Variants in MEGF8 observed in about 807,000 individuals in gnomAD.
MEGF8 encodes the protein multiple EGF like domains 8.
A neutral mutation model predicts 302.9 loss-of-function variants in MEGF8; 156 were observed. That is an observed-to-expected ratio of 0.52 (90% CI 0.45 to 0.59). The LOEUF (loss-of-function observed/expected upper bound fraction) is 0.59, where lower values mean the gene tolerates loss of function less well. Ranked by LOEUF, MEGF8 falls within the 20% of genes least tolerant of loss-of-function variation. MEGF8 has a pLI of 0.00. For missense variants in MEGF8, 3,345 were observed against 3,964.5 expected, an observed-to-expected ratio of 0.84 and a Z score of 4.20; for synonymous variants, 1,621 against 1,660.5, an observed-to-expected ratio of 0.98 and a Z score of 0.58.
At position 42,356,131 on chromosome 19, in the gene MEGF8, G is replaced by A. The variant is rs781123189; in HGVS notation, c.4441G>A (p.Ala1481Thr). 1.8e-5 allele frequency: 29 copies of A among 1,580,714 alleles called. No individual in the cohort carries two copies. Among genetic ancestry groups the A allele is most frequent in the Non-Finnish European group, 2.3e-5 (27 of 1,162,226 alleles). Residue 1481 changes from alanine to threonine, a missense_variant, in exon 25 of 42, where the codon GCC (alanine) becomes ACC (threonine). Coordinates refer to ENST00000251268, the MANE Select transcript of MEGF8 (RefSeq NM_001271938.2). This position sits in a 1 kb window ranked among gnomAD's most constrained non-coding sequence, Gnocchi z 5.2. The part of the protein sequence containing the change: ...CAEGFGGPDC[A>T]TKLDGGQLVW... ...CGAGGGCTTCGGGGGCCCCGACTGC[G>A]CCACCAAGCTGGATGGCGGGCAGCT...
intron 8 of MEGF8, among the ~76,000 whole-genome samples, chr19:42,342,562 G>A (rs756842428): frequency 2.6e-5 from 4 of 152,020 alleles, no homozygotes; most frequent in Non-Finnish European, 4.4e-5. Flanking sequence ...GTGTGAACCC[G>A]GGAGACAGAG....
chr19:42,374,470 C>CAAA (rs58700897), intron 41 of MEGF8, among the ~76,000 whole-genome samples: 3 of 56,240 alleles, frequency 5.3e-5, no homozygotes, highest in African/African-American at 5.6e-5. Flanking sequence ...GACTCTGTCT[C>CAAA]AAAAAAAAAA....
chr19:42,347,235 T>C (rs1045076150), intron 12 of MEGF8, among the ~76,000 whole-genome samples: 1 of 151,806 alleles, frequency 6.6e-6, no homozygotes, highest in African/African-American at 2.4e-5. Context: ...TAAACTAATA[T>C]ACTATGAACA....
rs1194814670 is a variant in MEGF8, at chr19:42,335,162, T to C, written c.686T>C (p.Ile229Thr). The C allele has an allele frequency of 1.9e-6, 3 of 1,613,822 alleles. No individual in the cohort carries two copies. The highest frequency in any genetic ancestry group is 1.7e-5 in the Admixed American group (1 of 59,990). The change falls in exon 4 of 42, where the codon ATT becomes ACT. Residue 229 changes from isoleucine (I) to threonine (T), a missense_variant. Physicochemically the swap from Ile to Thr is moderately conservative, Grantham distance 89. Coordinates refer to ENST00000251268, the MANE Select transcript of MEGF8 (RefSeq NM_001271938.2). ...AGGGACCCTGCCTTCTCTGCCCGTA[T>C]TGGGGCAGCTGGCGCCTTCCTGTCC... is the stretch of plus-strand genomic sequence containing the variant. The part of the protein sequence containing the change: ...SARDPAFSAR[I>T]GAAGAFLSPP...
chr19:42,326,658 T>C (rs1308988130), intron 1 of MEGF8, among the ~76,000 whole-genome samples: 1 of 151,896 alleles, frequency 6.6e-6, no homozygotes, highest in Non-Finnish European at 1.5e-5. Context: ...GGAGCATCAG[T>C]GCCGGGCCTT....
chr19:42,363,404 T>G, intron 35 of MEGF8, 142 bp downstream of exon 35: 1 of 735,594 alleles, frequency 1.4e-6, no homozygotes, highest in Non-Finnish European at 2.2e-6. Flanking sequence ...CGTGCTTCCT[T>G]CTCGTGCCAC....
chr19:42,363,108 C>G lies in MEGF8; in HGVS notation c.6119C>G (p.Ser2040Cys), dbSNP rs1263198399. The G allele has an allele frequency of 3.7e-6, 6 of 1,613,386 alleles. No individual in the cohort carries two copies. The highest frequency in any genetic ancestry group is 5.1e-6 in the Non-Finnish European group (6 of 1,179,644). Residue 2040 changes from serine to cysteine, a missense_variant, in exon 35 of 42, where the codon TCT becomes TGT. Ser to Cys is a moderately radical substitution (Grantham distance 112, BLOSUM62 -1). Coordinates refer to ENST00000251268, the MANE Select transcript of MEGF8 (RefSeq NM_001271938.2). ...PTYDWTCFSH[S>C]LLNVSPMPVE... ...TATGACTGGACGTGCTTCAGCCACT[C>G]TCTGCTGAATGTGTCCCCCATGCCG... is the stretch of plus-strand genomic sequence containing the variant.
chr19:42,336,805 A>G lies in MEGF8; in HGVS notation c.1245-2A>G, dbSNP rs916449892. 1 of 1,580,550 alleles carries G rather than the reference A, an allele frequency of 6.3e-7. No homozygotes were observed. ...GCCCCTGCCCTGCTTCTCCTTCGGT[A>G]GGTTCTCTGTGCGAGTGAACTCCAC... On this transcript the variant is annotated splice_acceptor_variant, in intron 6 of 41. Transcript: ENST00000251268. LOFTEE classifies it high-confidence loss of function. The surrounding 1 kb of genome is among the most constrained non-coding windows in gnomAD (Gnocchi z 4.8).
In MEGF8 at chr19:42,369,511, C is replaced by T. The variant is rs1355554285; in HGVS notation, c.6642-20C>T. 1.9e-6 allele frequency: 3 copies of T among 1,596,280 alleles called. No homozygotes were observed. Among genetic ancestry groups the T allele is most frequent in the African/African-American group, 2.7e-5 (2 of 74,736 alleles). ...CGAGGAGGGTGGCCACCTGCCCTGA[C>T]CCCCACTTTGCCCCTGCAGCATGAC... On this transcript the variant is annotated intron_variant, in intron 37 of 41. Coordinates refer to ENST00000251268, the MANE Select transcript of MEGF8 (RefSeq NM_001271938.2). This position sits in a 1 kb window ranked among gnomAD's most constrained non-coding sequence, Gnocchi z 5.7.
chr19:42,351,174 G>T lies in MEGF8; in HGVS notation c.2737-42G>T. ...TGGGCACTGGGAGTCCAAAGGAAAGGGCTGAGTGGGGTTCTGACTCCTCTG... is the reference window on the plus strand; with the variant it reads ...TGGGCACTGGGAGTCCAAAGGAAAGTGCTGAGTGGGGTTCTGACTCCTCTG... On this transcript the variant is annotated intron_variant, in intron 15 of 41. Transcript: ENST00000251268. The surrounding 1 kb of genome is among the most constrained non-coding windows in gnomAD (Gnocchi z 5.6). 6.6e-7 allele frequency: 1 copy of T among 1,522,116 alleles called. No individual in the cohort carries two copies. The highest frequency in any genetic ancestry group is 8.9e-7 in the Non-Finnish European group (1 of 1,123,382). The allele number at this position is 1,522,116 out of a possible 1,614,324, so 94.3% of individuals were successfully genotyped here.
At position 42,355,855 on chromosome 19, in the gene MEGF8, C is replaced by T. The variant is rs2039443862; in HGVS notation, c.4242C>T (p.Ser1414=). ...SARCGSGGPG[S]CPVPQECVPQ... ...GCTGTGGGTCAGGGGGCCCCGGGAG[C>T]TGTCCCGTCCCCCAGGAATGCGTGC... is the stretch of plus-strand genomic sequence containing the variant. The change falls in exon 24 of 42, where the codon AGC becomes AGT. Residue 1414 remains serine, a synonymous_variant. Transcript: ENST00000251268. 6.4e-7 allele frequency: 1 copy of T among 1,567,984 alleles called. No individual in the cohort carries two copies.
Position 42,369,045 on chromosome 19 carries a change from G to A in MEGF8, c.6641+43G>A. On this transcript the variant is annotated intron_variant, in intron 37 of 41. Transcript: ENST00000251268. The surrounding 1 kb of genome is among the most constrained non-coding windows in gnomAD (Gnocchi z 5.7). ...GCTGGGGCCAGGCAGGCTAGGGTGGGAGAGTCTGTGGGGAGCAGTAATGGA... is the reference window on the plus strand; with the variant it reads ...GCTGGGGCCAGGCAGGCTAGGGTGGAAGAGTCTGTGGGGAGCAGTAATGGA... 6.2e-7 allele frequency: 1 copy of A among 1,603,294 alleles called. No individual in the cohort carries two copies. The highest frequency in any genetic ancestry group is 8.5e-7 in the Non-Finnish European group (1 of 1,177,080).
In MEGF8 at chr19:42,358,927, G is replaced by A. The variant is rs112433681; in HGVS notation, c.5316G>A (p.Leu1772=). Residue 1772 remains leucine (L), a synonymous_variant, in exon 30 of 42, where the codon CTG becomes CTA. Coordinates refer to ENST00000251268, the MANE Select transcript of MEGF8 (RefSeq NM_001271938.2). The surrounding 1 kb of genome is among the most constrained non-coding windows in gnomAD (Gnocchi z 4.4). ...CTCTTGCTGGTACAGGAGGTTTCCTGGAGGAAATCTCACCTCACCTGAAGG... is the reference window on the plus strand; with the variant it reads ...CTCTTGCTGGTACAGGAGGTTTCCTAGAGGAAATCTCACCTCACCTGAAGG... The part of the protein sequence containing the change: ...WAALAGTGGF[L]EEISPHLKEP... The A allele has an allele frequency of 8.2e-4, 1,319 of 1,611,546 alleles. 11 individuals carry two copies. The African/African-American group carries it at 0.015, about 19-fold the overall frequency.
At chr19:42,349,760 C>T (rs2039342235) in intron 14 of MEGF8, 61 bp downstream of exon 14, 1 of 1,526,716 alleles carries the variant, frequency 6.6e-7, no homozygotes, top group Non-Finnish European at 9.0e-7. Flanking sequence ...ATCACCTGGG[C>T]TTTCTGAACC....
In MEGF8 at chr19:42,353,448, T is replaced by C; in HGVS notation, c.3551-17T>C. 2.5e-6 allele frequency: 4 copies of C among 1,608,144 alleles called. No individual in the cohort carries two copies. The highest frequency in any genetic ancestry group is 2.2e-5 in the South Asian group (2 of 90,272). Reference sequence around the variant, plus strand: ...ACCCTTGACTTGACTCTGTCCCACCTGCTGGGGCCTCCACAGACTGGACAT... The same window carrying C: ...ACCCTTGACTTGACTCTGTCCCACCCGCTGGGGCCTCCACAGACTGGACAT... On this transcript the variant is annotated splice_polypyrimidine_tract_variant and intron_variant, in intron 20 of 41. Transcript: ENST00000251268. The surrounding 1 kb of genome is among the most constrained non-coding windows in gnomAD (Gnocchi z 6.1).
At chr19:42,367,540 G>A (rs10425320) in intron 35 of MEGF8, among the ~76,000 whole-genome samples, 3,388 of 152,126 alleles carry the variant, frequency 0.022, 135 homozygotes, top group African/African-American at 0.076. Context: ...CGCCCGCCTC[G>A]GCCTCCCAAA....
chr19:42,330,625 C>T (rs1166104386), intron 1 of MEGF8, among the ~76,000 whole-genome samples: 5 of 152,192 alleles, frequency 3.3e-5, no homozygotes, highest in Non-Finnish European at 7.3e-5. Context: ...CATCATCCAG[C>T]ATTTCCTGAG....
Position 42,336,964 on chromosome 19 carries a change from C to T in MEGF8, c.1390+12C>T, listed in dbSNP as rs2039137204. ...CATGGTGGTCTATGGTGAGGAGGCT[C>T]CCCAATCCTGCCTGCCTGCCTGCTG... On this transcript the variant is annotated intron_variant, in intron 7 of 41. Transcript: ENST00000251268. This position sits in a 1 kb window ranked among gnomAD's most constrained non-coding sequence, Gnocchi z 4.8. The T allele has an allele frequency of 1.9e-6, 3 of 1,613,664 alleles. No homozygotes were observed. Among genetic ancestry groups the T allele is most frequent in the East Asian group, 2.2e-5 (1 of 44,888 alleles).
At chr19:42,328,591 G>GTGTGTGTGTGTGTGTGTGTGTGTGTGT (rs2039015802) in intron 1 of MEGF8, among the ~76,000 whole-genome samples, 1 of 117,648 alleles carries the variant, frequency 8.5e-6, no homozygotes, top group African/African-American at 4.4e-5. Flanking sequence ...TGTGTGTGTG[G>GTGTGTGTGTGTGTGTGTGTGTGTGTGT]CGAAGGGGTC....
Sources: gnomAD v4.1 joint callset for allele counts (sites outside exome capture counted in the v4.1 genomes callset) on GRCh38, gnomAD v4.1.1 for gene constraint, Gnocchi (gnomAD v3.1) non-coding constraint, MANE v1.5 for transcripts, NCBI Gene and HGNC (gene_info 2026-07-23, HGNC 2026-07-21) for gene names.